Variants in ELF5 observed in about 807,000 individuals in gnomAD.
ELF5 encodes ETS-related transcription factor Elf-5.
Under a neutral mutation model 38.2 loss-of-function variants are expected in ELF5, and 31 were observed. The observed-to-expected ratio is 0.81, with a 90% confidence interval of 0.61 to 1.10. ELF5 has a LOEUF of 1.10. ELF5 is among the 50% of genes least tolerant of loss of function. The pLI, the probability that ELF5 is intolerant of heterozygous loss-of-function variation, is 0.00. For missense variants in ELF5, 300 were observed against 306.6 expected (o/e 0.98, Z 0.16); for synonymous variants, 121 against 112.5 (o/e 1.08, Z -0.48).
intron 4 of ELF5, among the ~76,000 whole-genome samples, chr11:34,483,620 C>T (rs995267276): frequency 6.6e-6 from 1 of 151,932 alleles, no homozygotes; most frequent in East Asian, 1.9e-4. Flanking sequence ...CTATATTATA[C>T]TAACTATCCT....
chr11:34,487,780 T>C (rs1590324994), intron 4 of ELF5, among the ~76,000 whole-genome samples: 1 of 152,066 alleles, frequency 6.6e-6, no homozygotes, highest in Non-Finnish European at 1.5e-5. Flanking sequence ...CGGTTCAAGA[T>C]GGCAGCCACC....
intron 1 of ELF5, 84 bp from the exon 2 acceptor site, chr11:34,505,837 A>G: frequency 1.4e-6 from 2 of 1,471,798 alleles, no homozygotes; most frequent in Non-Finnish European, 1.8e-6. Context: ...GCAGGGCGAT[A>G]CTTGTTTTTT....
chr11:34,492,056 T>C (rs909340764), intron 3 of ELF5: 2 of 152,212 alleles, frequency 1.3e-5, no homozygotes, highest in Admixed American at 6.5e-5. Flanking sequence ...AATACACCCC[T>C]CTCTGTGGCC....
At chr11:34,488,786 T>C (rs991397685) in intron 4 of ELF5, among the ~76,000 whole-genome samples, 1 of 152,248 alleles carries the variant, frequency 6.6e-6, no homozygotes, top group Non-Finnish European at 1.5e-5. Flanking sequence ...TCTAGGTCAC[T>C]ACTACTTAGA....
intron 2 of ELF5, among the ~76,000 whole-genome samples, chr11:34,502,650 T>G (rs911419769): frequency 6.6e-6 from 1 of 152,226 alleles, no homozygotes; most frequent in Admixed American, 6.5e-5. Context: ...GATACTGAGC[T>G]TCCCCTGAAA....
chr11:34,495,338 G>A (rs998319313), intron 2 of ELF5, among the ~76,000 whole-genome samples: 20 of 152,186 alleles, frequency 1.3e-4, no homozygotes, highest in Admixed American at 9.2e-4. Context: ...GCGTTTAAAG[G>A]TGAGTAGAAC....
intron 2 of ELF5, among the ~76,000 whole-genome samples, chr11:34,501,311 G>C (rs1427408161): frequency 6.6e-6 from 1 of 152,186 alleles, no homozygotes; most frequent in East Asian, 1.9e-4. Flanking sequence ...AACCCCTAAA[G>C]CCTCTCAGGA....
chr11:34,496,187 C>T (rs764568331), intron 2 of ELF5, among the ~76,000 whole-genome samples: 2 of 152,356 alleles, frequency 1.3e-5, no homozygotes, highest in Admixed American at 1.3e-4. Flanking sequence ...GGCCCCACAC[C>T]GGGGAGGTGT....
intron 1 of ELF5, chr11:34,511,877 A>G (rs1850768614): frequency 2.4e-6 from 1 of 415,352 alleles, no homozygotes; most frequent in South Asian, 3.4e-5. Context: ...GCATGTGACC[A>G]AAAATTGGCC....
chr11:34,498,623 A>AGGGTGATGG (rs1850375153), intron 2 of ELF5, among the ~76,000 whole-genome samples: 1 of 152,280 alleles, frequency 6.6e-6, no homozygotes, highest in South Asian at 2.1e-4. Context: ...AGCAGAGGAG[A>AGGGTGATGG]GGGTGATGGT....
intron 1 of ELF5, among the ~76,000 whole-genome samples, chr11:34,507,639 A>G (rs1464938076): frequency 1.3e-5 from 2 of 152,232 alleles, no homozygotes; most frequent in Non-Finnish European, 2.9e-5. Flanking sequence ...ATGTTCCCAC[A>G]TGCCACTCTC....
chr11:34,503,788 C>T (rs942553072), intron 2 of ELF5, among the ~76,000 whole-genome samples: 2 of 152,164 alleles, frequency 1.3e-5, no homozygotes, highest in African/African-American at 2.4e-5. Context: ...GTGTGCTTAC[C>T]AGGTACCGGA....
chr11:34,492,841 T>C (rs1168479405), intron 3 of ELF5: 1 of 156,918 alleles, frequency 6.4e-6, no homozygotes, highest in Non-Finnish European at 1.4e-5. Context: ...CAGCCCTGTT[T>C]GCTGTGTGAC....
chr11:34,503,789 A>G (rs34234992), intron 2 of ELF5, among the ~76,000 whole-genome samples: 33,832 of 152,242 alleles, frequency 0.22, 4,837 homozygotes, highest in Non-Finnish European at 0.31. Context: ...TGTGCTTACC[A>G]GGTACCGGAC....
chr11:34,482,796 A>G (rs1490598533), intron 4 of ELF5, among the ~76,000 whole-genome samples: 1 of 152,156 alleles, frequency 6.6e-6, no homozygotes, highest in Non-Finnish European at 1.5e-5. Flanking sequence ...TTTATATCAA[A>G]GTGTAGAGCA....
rs778735446 is a variant in ELF5, at chr11:34,493,577, C to T, written c.257G>A (p.Gly86Asp). Reference protein sequence around the residue: ...CISFCNFNISGLQLCSMTQEE... With the variant: ...CISFCNFNISDLQLCSMTQEE... Reference sequence around the variant, plus strand: ...CTGTGTCATGCTGCACAGCTGCAGGCCACTGATGTTGAAGTTGCAGAAGGA... The same window carrying T: ...CTGTGTCATGCTGCACAGCTGCAGGTCACTGATGTTGAAGTTGCAGAAGGA... Residue 86 changes from glycine (G) to aspartate (D), a missense_variant, in exon 3 of 7, where the codon GGC becomes GAC. By Grantham distance (94) the Gly-to-Asp change is moderately conservative. Coordinates refer to ENST00000257832, the MANE Select transcript of ELF5 (RefSeq NM_001422.4). 1 of 1,614,226 alleles carries T rather than the reference C, an allele frequency of 6.2e-7. No individual in the cohort carries two copies. Among genetic ancestry groups the T allele is most frequent in the Non-Finnish European group, 8.5e-7 (1 of 1,180,056 alleles).
Position 34,482,511 on chromosome 11 carries a change from T to C in ELF5, c.407-12A>G, listed in dbSNP as rs2133869970. 3 of 1,609,826 alleles carry C rather than the reference T, an allele frequency of 1.9e-6. No individual in the cohort carries two copies. Among genetic ancestry groups the C allele is most frequent in the East Asian group, 2.2e-5 (1 of 44,816 alleles). ...GTTGGAATCAGCATCTGAAATAGAA[T>C]AATTTATAGCAGTGGAAAGGGATAT... On this transcript the variant is annotated splice_polypyrimidine_tract_variant and intron_variant, in intron 4 of 6. Transcript: ENST00000257832.
At chr11:34,511,651 G>A in intron 1 of ELF5, 1 of 1,576,356 alleles carries the variant, frequency 6.3e-7, no homozygotes, top group Non-Finnish European at 8.7e-7. Flanking sequence ...ACACAGAGAG[G>A]GTCCACCGAG....
intron 4 of ELF5, among the ~76,000 whole-genome samples, chr11:34,487,583 G>C (rs1266804114): frequency 6.6e-6 from 1 of 152,174 alleles, no homozygotes; most frequent in African/African-American, 2.4e-5. Flanking sequence ...TGGCTTCCCA[G>C]CTTGCTCAGA....
Sources: gnomAD v4.1 joint callset for allele counts (sites outside exome capture counted in the v4.1 genomes callset) on GRCh38, gnomAD v4.1.1 for gene constraint, MANE v1.5 for transcripts, NCBI Gene and HGNC (gene_info 2026-07-23, HGNC 2026-07-21) for gene names.